Variants in NBAS observed in about 807,000 individuals in gnomAD.
NBAS encodes NBAS subunit of NRZ tethering complex, also known as NAG/BC035112 fusion.
NBAS carries 219 observed loss-of-function variants against 302.5 expected under a neutral mutation model. The ratio of observed to expected loss-of-function variants is 0.72; its 90% CI spans 0.65 to 0.81. The LOEUF is 0.81. Ranked by LOEUF, NBAS falls within the 30% of genes least tolerant of loss-of-function variation. The pLI is 0.00. For missense variants in NBAS, 2,932 were observed against 2,841.6 expected, an observed-to-expected ratio of 1.03 and a Z score of -0.72; for synonymous variants, 1,118 against 1,021.6, an observed-to-expected ratio of 1.09 and a Z score of -1.80.
chr2:15,177,006 G>A (rs866521835), intron 51 of NBAS, among the ~76,000 whole-genome samples: 1 of 152,218 alleles, frequency 6.6e-6, no homozygotes, highest in Admixed American at 6.5e-5. Flanking sequence ...AGATGGGCTA[G>A]CCTAATGTGA....
chr2:15,520,736 GT>G (rs1662628766), intron 9 of NBAS, among the ~76,000 whole-genome samples: 1 of 151,928 alleles, frequency 6.6e-6, no homozygotes, highest in Admixed American at 6.5e-5. Flanking sequence ...TTCTTTTGAG[GT>G]TTTTTTCAAC....
intron 48 of NBAS, among the ~76,000 whole-genome samples, chr2:15,210,054 A>G (rs148707276): frequency 6.6e-6 from 1 of 152,296 alleles, no homozygotes; most frequent in East Asian, 1.9e-4. Context: ...TCTCCAGAAC[A>G]CTGGACTGGA....
At chr2:15,381,277 T>TTAG (rs1294911753) in intron 29 of NBAS, among the ~76,000 whole-genome samples, 4 of 109,598 alleles carry the variant, frequency 3.6e-5, no homozygotes, top group Non-Finnish European at 4.1e-5. Flanking sequence ...ACTGAACTTA[T>TTAG]TTTCCAAGGA....
chr2:14,929,920 G>A, the NBAS span, among the ~76,000 whole-genome samples: 2 of 152,132 alleles, frequency 1.3e-5, 1 homozygote, highest in Non-Finnish European at 2.9e-5. Flanking sequence ...TTTCCCCCTT[G>A]CTGTTCTTGT....
At chr2:15,255,051 T>A (rs1366393019) in intron 44 of NBAS, among the ~76,000 whole-genome samples, 1 of 152,230 alleles carries the variant, frequency 6.6e-6, no homozygotes, top group African/African-American at 2.4e-5. Context: ...TTTTTTCATA[T>A]AATGACTTCT....
chr2:15,380,679 C>G (rs930215560), intron 29 of NBAS, among the ~76,000 whole-genome samples: 1 of 152,080 alleles, frequency 6.6e-6, no homozygotes, highest in Non-Finnish European at 1.5e-5. Context: ...TTTATATAAA[C>G]AAAGCAATCC....
At chr2:14,918,116 G>A in the NBAS span, among the ~76,000 whole-genome samples, 4 of 152,160 alleles carry the variant, frequency 2.6e-5, no homozygotes, top group South Asian at 8.3e-4. Flanking sequence ...TGGAAGGCAG[G>A]TCTTAGATTT....
chr2:15,314,552 T>C (rs1025312197), intron 38 of NBAS, among the ~76,000 whole-genome samples: 2 of 152,096 alleles, frequency 1.3e-5, no homozygotes, highest in Admixed American at 6.5e-5. Flanking sequence ...AAAACTCAGA[T>C]AGAAAACCCA....
chr2:15,262,766 G>C (rs918188768), intron 44 of NBAS, among the ~76,000 whole-genome samples: 1 of 151,996 alleles, frequency 6.6e-6, no homozygotes, highest in Non-Finnish European at 1.5e-5. Context: ...TTAATACCTG[G>C]TGATCAAATG....
chr2:15,373,412 C>G (rs1282862481), intron 31 of NBAS, among the ~76,000 whole-genome samples: 1 of 152,134 alleles, frequency 6.6e-6, no homozygotes, highest in Non-Finnish European at 1.5e-5. Context: ...CTTACTGCAG[C>G]CTCAACTTCC....
chr2:14,917,276 A>C, the NBAS span, among the ~76,000 whole-genome samples: 1 of 152,118 alleles, frequency 6.6e-6, no homozygotes, highest in Non-Finnish European at 1.5e-5. Context: ...CTCACTCACA[A>C]GGTTGTTGGT....
the NBAS span, among the ~76,000 whole-genome samples, chr2:14,866,922 G>A: frequency 6.6e-6 from 1 of 152,270 alleles, no homozygotes; most frequent in Non-Finnish European, 1.5e-5. Context: ...AATGCTAAGA[G>A]ACTACTAACA....
intron 11 of NBAS, among the ~76,000 whole-genome samples, chr2:15,493,336 T>C (rs1680941170): frequency 6.6e-6 from 1 of 152,122 alleles, no homozygotes; most frequent in East Asian, 1.9e-4. Flanking sequence ...GTTTGTGCCT[T>C]GGAAATGGGA....
chr2:15,134,056 TTCTCTCTCTC>T, the NBAS span, among the ~76,000 whole-genome samples: 10,688 of 145,726 alleles, frequency 0.073, 393 homozygotes, highest in South Asian at 0.11. Flanking sequence ...GAACATTTCT[TTCTCTCTCTC>T]TCTCTCTCTC....
intron 40 of NBAS, among the ~76,000 whole-genome samples, chr2:15,301,370 G>T (rs958149400): frequency 1.3e-5 from 2 of 152,224 alleles, no homozygotes; most frequent in Non-Finnish European, 2.9e-5. Flanking sequence ...GAATGAACGT[G>T]AAAGGTACTT....
the NBAS span, among the ~76,000 whole-genome samples, chr2:14,877,018 C>G: frequency 2.0e-5 from 3 of 152,216 alleles, no homozygotes; most frequent in African/African-American, 7.2e-5. Context: ...ACACTTGCCC[C>G]CTCTAACCAG....
the NBAS span, among the ~76,000 whole-genome samples, chr2:14,998,332 G>A: frequency 1.3e-5 from 2 of 152,208 alleles, no homozygotes; most frequent in African/African-American, 4.8e-5. Context: ...ACTTTGCCCA[G>A]TCTGCCAGCC....
At chr2:15,367,841 A>G (rs561765049) in intron 31 of NBAS, among the ~76,000 whole-genome samples, 5 of 152,182 alleles carry the variant, frequency 3.3e-5, no homozygotes, top group African/African-American at 1.2e-4. Flanking sequence ...GGTTGCAAGG[A>G]AAGTACAAAG....
the NBAS span, among the ~76,000 whole-genome samples, chr2:15,036,186 C>G: frequency 6.6e-6 from 1 of 152,092 alleles, no homozygotes; most frequent in Non-Finnish European, 1.5e-5. Flanking sequence ...GGTATCTTGT[C>G]TTAATTTGCA....
Sources: allele counts gnomAD v4.1 joint callset (sites outside exome capture counted in the v4.1 genomes callset), GRCh38; gene constraint gnomAD v4.1.1; transcripts MANE v1.5; gene names NCBI Gene and HGNC (gene_info 2026-07-23, HGNC 2026-07-21).